The following VPS8 variants were observed in gnomAD, a reference collection of about 807,000 sequenced individuals.
VPS8 encodes the protein VPS8 subunit of CORVET complex.
In VPS8, 129 loss-of-function variants were observed where a neutral mutation model predicts 216.4. The ratio of observed to expected loss-of-function variants is 0.60; its 90% confidence interval spans 0.52 to 0.69. VPS8 has a LOEUF of 0.69. Among genes scored for constraint, VPS8 ranks in the 30% least tolerant of loss-of-function variants. VPS8 has a pLI of 0.00. For missense variants in VPS8, 1,531 were observed against 1,683.5 expected (o/e 0.91, Z 1.59); for synonymous variants, 571 against 565.4 (o/e 1.01, Z -0.14).
chr3:185,043,725 G>T (rs977114658), intron 46 of VPS8, among the ~76,000 whole-genome samples: 2 of 152,120 alleles, frequency 1.3e-5, no homozygotes, highest in African/African-American at 4.8e-5. Context: ...TCTCTCATGG[G>T]TCTTTTGTTT....
intron 42 of VPS8, among the ~76,000 whole-genome samples, chr3:184,984,040 C>T (rs1393126642): frequency 3.3e-5 from 5 of 150,320 alleles, no homozygotes; most frequent in Admixed American, 6.6e-5. Flanking sequence ...AAAAAATAGC[C>T]GGGCATGGTG....
At chr3:184,868,820 A>G (rs1445921988) in intron 18 of VPS8, 126 bp from the exon 19 acceptor site, 2 of 717,018 alleles carry the variant, frequency 2.8e-6, no homozygotes, top group African/African-American at 1.8e-5. Context: ...CAAGATATTC[A>G]CATAATTATT....
At chr3:184,885,900 T>TA in intron 21 of VPS8, 1 of 490,308 alleles carries the variant, frequency 2.0e-6, no homozygotes, top group Non-Finnish European at 3.7e-6. Context: ...TTCTTAAACA[T>TA]ATTTAGGGTA....
intron 14 of VPS8, among the ~76,000 whole-genome samples, chr3:184,858,128 G>C (rs1362751670): frequency 6.6e-6 from 1 of 152,154 alleles, no homozygotes; most frequent in Non-Finnish European, 1.5e-5. Flanking sequence ...AATTTCAGGT[G>C]GTCGGGTGTA....
At chr3:184,971,466 A>C (rs1261447108) in intron 39 of VPS8, among the ~76,000 whole-genome samples, 183 bp from the exon 40 acceptor site, 2 of 152,344 alleles carry the variant, frequency 1.3e-5, no homozygotes, top group South Asian at 2.1e-4. Context: ...TTTCTGTGGG[A>C]AACTCTTATT....
At chr3:184,816,008 T>C (rs1443519705) in intron 1 of VPS8, 10 of 152,144 alleles carry the variant, frequency 6.6e-5, no homozygotes, top group Non-Finnish European at 1.3e-4. Context: ...CAGTCAGTTA[T>C]GTGAAGAAGA....
Position 184,861,024 on chromosome 3 carries a change from G to A in VPS8, c.1224+959G>A, listed in dbSNP as rs558705081. On this transcript the variant is annotated intron_variant, in intron 15 of 47. Transcript: ENST00000625842. The stretch of plus-strand genomic sequence containing the variant: ...TTTTTAGTACAGACAGGATTTCACC[G>A]TGTTAGCCAGGATGGTCTCAATCTC... Among the ~76,000 whole-genome samples, 20 of 151,970 alleles carry A rather than the reference G, an allele frequency of 1.3e-4. No homozygotes were observed. The South Asian group carries it at 1.5e-3, about 11-fold the overall frequency.
intron 21 of VPS8, among the ~76,000 whole-genome samples, 187 bp downstream of exon 21, chr3:184,870,992 CGTT>C (rs2108779012): frequency 6.6e-6 from 1 of 152,028 alleles, no homozygotes; most frequent in South Asian, 2.1e-4. Context: ...ATGAGTAAAA[CGTT>C]GTGGAGTGTT....
intron 16 of VPS8, among the ~76,000 whole-genome samples, chr3:184,865,656 G>A (rs755268120): frequency 3.3e-5 from 5 of 152,146 alleles, no homozygotes; most frequent in Non-Finnish European, 7.4e-5. Flanking sequence ...CTAAAATGGC[G>A]CAAATGCTGT....
intron 8 of VPS8, among the ~76,000 whole-genome samples, chr3:184,846,361 G>A (rs1723124488): frequency 6.6e-6 from 1 of 152,172 alleles, no homozygotes; most frequent in Admixed American, 6.5e-5. Context: ...AGTCAGGAAA[G>A]CACAGTCATG....
At chr3:185,009,260 A>G (rs1372433762) in intron 45 of VPS8, among the ~76,000 whole-genome samples, 4 of 152,228 alleles carry the variant, frequency 2.6e-5, no homozygotes, top group African/African-American at 9.7e-5. Flanking sequence ...GACATAAGAA[A>G]TTCTGTTGTC....
intron 36 of VPS8, among the ~76,000 whole-genome samples, chr3:184,946,399 G>C (rs1743675659): frequency 6.6e-6 from 1 of 152,254 alleles, no homozygotes; most frequent in Non-Finnish European, 1.5e-5. Flanking sequence ...AGGACAGCCA[G>C]CCTATGAGGC....
At chr3:185,011,168 G>A (rs888754946) in intron 45 of VPS8, among the ~76,000 whole-genome samples, 10 of 150,746 alleles carry the variant, frequency 6.6e-5, no homozygotes, top group African/African-American at 2.4e-4. Flanking sequence ...AGTAACAGCA[G>A]AGCAGCCTAT....
rs6443999 is a variant in VPS8, at chr3:184,855,767, C to T, written c.1092C>T (p.Tyr364=). The part of the protein sequence containing the change: ...LAWHFVAVQN[Y]VNPMLAFCRG... ...GGCACTTTGTAGCAGTACAAAATTA[C>T]GTGAATCCCATGCTTGCCTTCTGCA... is the stretch of plus-strand genomic sequence containing the variant. Residue 364 remains tyrosine (Y), a synonymous_variant, in exon 14 of 48, where the codon TAC becomes TAT. Transcript: ENST00000625842. The T allele has an allele frequency of 0.37, 592,500 of 1,611,582 alleles. 116,022 individuals are homozygous for T. The highest frequency in any genetic ancestry group is 0.64 in the East Asian group (28,453 of 44,772).
chr3:184,935,199 A>G (rs542179639), intron 34 of VPS8, among the ~76,000 whole-genome samples: 1 of 152,142 alleles, frequency 6.6e-6, no homozygotes, highest in African/African-American at 2.4e-5. Context: ...ATTTCTTCTC[A>G]AGTCAGTTTA....
intron 31 of VPS8, among the ~76,000 whole-genome samples, chr3:184,927,223 T>G (rs1739820736): frequency 6.6e-6 from 1 of 152,194 alleles, no homozygotes; most frequent in Non-Finnish European, 1.5e-5. Flanking sequence ...ACCATAATTG[T>G]GGGCACTAAG....
intron 29 of VPS8, among the ~76,000 whole-genome samples, chr3:184,920,650 G>C (rs1447273338): frequency 6.6e-6 from 1 of 152,192 alleles, no homozygotes; most frequent in African/African-American, 2.4e-5. Context: ...GATCATCCCA[G>C]TATAAATCTA....
chr3:184,977,728 CTTTT>C (rs55724735), intron 40 of VPS8, among the ~76,000 whole-genome samples: 9 of 125,992 alleles, frequency 7.1e-5, no homozygotes, highest in Non-Finnish European at 8.6e-5. Context: ...CATTGCTTAT[CTTTT>C]TTTTTTTTTT....
chr3:184,867,055 T>C, intron 17 of VPS8, 105 bp downstream of exon 17: 1 of 1,003,718 alleles, frequency 1.0e-6, no homozygotes, highest in South Asian at 1.7e-5. Context: ...TGAATATTGG[T>C]CAGCAATTAT....
Sources: allele counts gnomAD v4.1 joint callset (sites outside exome capture counted in the v4.1 genomes callset), GRCh38; gene constraint gnomAD v4.1.1; transcripts MANE v1.5; gene names NCBI Gene and HGNC (gene_info 2026-07-23, HGNC 2026-07-21).